The following STK4 variants were observed in gnomAD, a reference collection of about 807,000 sequenced individuals.
The protein encoded by STK4 is serine/threonine kinase 4.
STK4 carries 30 observed loss-of-function variants against 64.9 expected under a neutral mutation model. That is an observed-to-expected ratio of 0.46 (90% CI 0.35 to 0.63). The LOEUF (loss-of-function observed/expected upper bound fraction) is 0.63, where lower values mean the gene tolerates loss of function less well. Among genes scored for constraint, STK4 ranks in the 20% least tolerant of loss-of-function variants. STK4 has a pLI of 0.01. For synonymous variants in STK4, 177 were observed against 199.0 expected, an observed-to-expected ratio of 0.89 and a Z score of 0.93; for missense variants, 466 against 598.5, an observed-to-expected ratio of 0.78 and a Z score of 2.31.
chr20:45,068,405 C>T (rs1314670021), intron 10 of STK4, among the ~76,000 whole-genome samples: 1 of 152,132 alleles, frequency 6.6e-6, no homozygotes, highest in East Asian at 1.9e-4. Context: ...AGCAGCAGCA[C>T]CATGTGTGTA....
At chr20:45,006,603 C>T (rs567627684) in intron 9 of STK4, among the ~76,000 whole-genome samples, 7 of 152,184 alleles carry the variant, frequency 4.6e-5, no homozygotes, top group African/African-American at 7.2e-5. Flanking sequence ...TTATCTTGCT[C>T]GGAGGTCCTT....
intron 10 of STK4, among the ~76,000 whole-genome samples, chr20:45,061,716 C>T (rs1362821470): frequency 2.0e-5 from 3 of 151,378 alleles, no homozygotes; most frequent in Admixed American, 2.0e-4. Context: ...TAGCATAGTA[C>T]CCAATAGGTG....
intron 9 of STK4, among the ~76,000 whole-genome samples, chr20:45,011,730 T>TA (rs1555813605): frequency 0.25 from 20,746 of 81,416 alleles, 2,745 homozygotes; most frequent in East Asian, 0.38. Flanking sequence ...TATATATATA[T>TA]TTTTTTTTTT....
Position 45,075,340 on chromosome 20 carries a change from C to A in STK4, c.*164C>A. ...TGGGAAGGGCTCTCTTGACAGTCAG[C>A]GTGCCATCTTGATGTGTGTATGTAC... On this transcript the variant is annotated 3_prime_UTR_variant, in exon 11 of 11. Transcript: ENST00000372806. 1.2e-6 allele frequency: 1 copy of A among 855,794 alleles called. No homozygotes were observed. The highest frequency in any genetic ancestry group is 1.8e-6 in the Non-Finnish European group (1 of 565,510). 53.0% of individuals were successfully genotyped at this position (855,794 alleles called of 1,614,324 possible). A position where few individuals can be genotyped will look rare whatever the true frequency, so the allele number is the denominator to read the frequency against.
At chr20:44,975,966 A>G (rs1312015504) in intron 2 of STK4, among the ~76,000 whole-genome samples, 2 of 152,254 alleles carry the variant, frequency 1.3e-5, no homozygotes, top group African/African-American at 4.8e-5. Flanking sequence ...GAGAATTCAC[A>G]CTGAAGGAAA....
At chr20:44,997,030 G>A in intron 6 of STK4, 139 bp from the exon 7 acceptor site, 1 of 1,192,756 alleles carries the variant, frequency 8.4e-7, no homozygotes, top group Non-Finnish European at 1.2e-6. Flanking sequence ...TTAGACTTTT[G>A]TTGGAATTTG....
chr20:44,985,851 C>T (rs1485166883), intron 4 of STK4, among the ~76,000 whole-genome samples: 2 of 152,194 alleles, frequency 1.3e-5, no homozygotes, highest in Non-Finnish European at 2.9e-5. Flanking sequence ...GTAAAAGCTA[C>T]GTCTTCCTAG....
intron 10 of STK4, among the ~76,000 whole-genome samples, chr20:45,066,292 G>T (rs1373615939): frequency 1.3e-5 from 2 of 152,054 alleles, no homozygotes; most frequent in Middle Eastern, 3.2e-3. Context: ...TTGTGGATAG[G>T]GGGGACTACT....
chr20:44,992,939 G>T (rs1182015815), intron 5 of STK4, among the ~76,000 whole-genome samples: 1 of 151,720 alleles, frequency 6.6e-6, no homozygotes, highest in Admixed American at 6.6e-5. Context: ...CAGGCAATCT[G>T]CCCACCTCTG....
intron 10 of STK4, among the ~76,000 whole-genome samples, chr20:45,026,331 G>GTGTGTT (rs2068347458): frequency 6.6e-6 from 1 of 151,646 alleles, no homozygotes; most frequent in Admixed American, 6.6e-5. Context: ...GTGTGTGTGT[G>GTGTGTT]TGTGTGTGTG....
intron 10 of STK4, among the ~76,000 whole-genome samples, chr20:45,028,121 T>A (rs954973193): frequency 6.6e-6 from 1 of 152,224 alleles, no homozygotes; most frequent in Non-Finnish European, 1.5e-5. Context: ...TTTGGATATA[T>A]GCCCAGCAGT....
chr20:45,015,518 A>G (rs6103960), intron 9 of STK4, among the ~76,000 whole-genome samples: 10,200 of 152,230 alleles, frequency 0.067, 1,114 homozygotes, highest in African/African-American at 0.23. Context: ...TATGCTTGCC[A>G]CTCACAGTCA....
chr20:45,072,848 A>G (rs1037611379), intron 10 of STK4, among the ~76,000 whole-genome samples: 1 of 152,248 alleles, frequency 6.6e-6, no homozygotes, highest in African/African-American at 2.4e-5. Context: ...GAATAACAAT[A>G]GCAACAATAA....
intron 5 of STK4, among the ~76,000 whole-genome samples, chr20:44,994,075 G>T (rs564567188): frequency 1.3e-5 from 2 of 151,708 alleles, no homozygotes; most frequent in Admixed American, 6.6e-5. Context: ...GTATGCAAGT[G>T]GTTATTTGCT....
At chr20:45,065,363 G>C (rs1979472273) in intron 10 of STK4, among the ~76,000 whole-genome samples, 1 of 152,132 alleles carries the variant, frequency 6.6e-6, no homozygotes. Flanking sequence ...GTATTTTGTT[G>C]AGGATTTTCA....
At chr20:45,011,430 T>A (rs940827032) in intron 9 of STK4, among the ~76,000 whole-genome samples, 7 of 152,058 alleles carry the variant, frequency 4.6e-5, no homozygotes, top group Non-Finnish European at 1.0e-4. Flanking sequence ...GGCAATGTCT[T>A]TATTTTATTT....
At chr20:44,971,930 C>G (rs1173921543) in intron 1 of STK4, 148 bp from the exon 2 acceptor site, 7 of 701,130 alleles carry the variant, frequency 1.0e-5, no homozygotes, top group African/African-American at 9.4e-5. Flanking sequence ...ATCGGCCTCC[C>G]AAGAAACCTT....
At chr20:45,059,917 A>ATG (rs1978846743) in intron 10 of STK4, among the ~76,000 whole-genome samples, 1 of 152,204 alleles carries the variant, frequency 6.6e-6, no homozygotes, top group South Asian at 2.1e-4. Context: ...TCTTAGGCTT[A>ATG]TGTATTGATT....
intron 2 of STK4, among the ~76,000 whole-genome samples, chr20:44,977,486 G>A (rs2145642944): frequency 6.6e-6 from 1 of 152,158 alleles, no homozygotes; most frequent in South Asian, 2.1e-4. Context: ...GGATTCCAAT[G>A]AAAATGTTAT....
Sources: gnomAD v4.1 joint callset for allele counts (sites outside exome capture counted in the v4.1 genomes callset) on GRCh38, gnomAD v4.1.1 for gene constraint, MANE v1.5 for transcripts, NCBI Gene and HGNC (gene_info 2026-07-23, HGNC 2026-07-21) for gene names.